Variants in SLC30A10 observed in about 807,000 individuals in gnomAD.
SLC30A10 encodes the protein calcium/manganese antiporter SLC30A10.
SLC30A10 carries 8 observed loss-of-function variants against 21.7 expected under a neutral mutation model. The observed-to-expected ratio is 0.37, with a 90% CI of 0.22 to 0.67. The LOEUF (loss-of-function observed/expected upper bound fraction) is 0.67, where lower values mean the gene tolerates loss of function less well. Ranked by LOEUF, SLC30A10 falls within the 30% of genes least tolerant of loss-of-function variation. The probability of loss-of-function intolerance (pLI) is 0.58; values close to 1 mark genes in which losing one functional copy is unlikely to be tolerated. For missense variants in SLC30A10, 521 were observed against 642.5 expected (o/e 0.81, Z 2.04); for synonymous variants, 272 against 279.4 (o/e 0.97, Z 0.26).
chr1:219,928,599 C>G, upstream of SLC30A10: 1 of 578,272 alleles, frequency 1.7e-6, no homozygotes, highest in Non-Finnish European at 2.8e-6. This position sits in a 1 kb window ranked among gnomAD's most constrained non-coding sequence, Gnocchi z 6.3. Flanking sequence ...AACGCGAGGC[C>G]GAGCGCCACC....
intron 2 of SLC30A10, among the ~76,000 whole-genome samples, chr1:219,924,829 C>T (rs1659776800): frequency 6.6e-6 from 1 of 152,176 alleles, no homozygotes. Context: ...TCAAAGCAAT[C>T]CCATAAGGTG....
chr1:219,911,113 C>CA lies in SLC30A10; in HGVS notation c.*4335dup, dbSNP rs1022255691. On this transcript the variant is annotated 3_prime_UTR_variant, in exon 4 of 4. Transcript: ENST00000366926. ...CGATCATTCATCCAAACTCAAAATT[C>CA]AAATCAGGTCATGTTTCTTCATTTT... Among the ~76,000 whole-genome samples the CA allele has an allele frequency of 1.9e-5, 2 of 104,104 alleles. No individual in the cohort carries two copies. The highest frequency in any genetic ancestry group is 4.1e-5 in the Non-Finnish European group (2 of 48,512). 68.3% of individuals were successfully genotyped at this position (104,104 alleles called of 152,430 possible). A position where few individuals can be genotyped will look rare whatever the true frequency, so the allele number is the denominator to read the frequency against.
Position 219,911,932 on chromosome 1 carries a change from T to A in SLC30A10, c.*3517A>T, listed in dbSNP as rs1659423310. 6.6e-6 allele frequency among the ~76,000 whole-genome samples: 1 copy of A among 151,848 alleles called. No homozygotes were observed. The stretch of plus-strand genomic sequence containing the variant: ...TAGCGGTCAGGGGTGCAGCTAAACA[T>A]CCTACAGTACACAACCCACACATCA... On this transcript the variant is annotated 3_prime_UTR_variant, in exon 4 of 4. Transcript: ENST00000366926.
chr1:219,928,116 GC>G lies in SLC30A10; in HGVS notation c.324del (p.Glu108AspfsTer84). 1 of 1,570,468 alleles carries G rather than the reference GC, an allele frequency of 6.4e-7. No individual in the cohort carries two copies. Among genetic ancestry groups the G allele is most frequent in the Non-Finnish European group, 8.6e-7 (1 of 1,158,834 alleles). On this transcript the variant is annotated frameshift_variant, in exon 1 of 4. Transcript: ENST00000366926. LOFTEE classifies it high-confidence loss of function. The surrounding 1 kb of genome is among the most constrained non-coding windows in gnomAD (Gnocchi z 6.3). ...AGCACCAGCTCGGGGTCATCGATGC[GC>G]TCGGGCCGGGCCAGGCGCAGCACGG... is the stretch of plus-strand genomic sequence containing the variant. ...VEAVLRLARP[E>X]RIDDPELVLI...
rs115485015 is a variant in SLC30A10 at position 219,920,428 on chromosome 1, G to A, written c.719-1934C>T. ...GATGTCATGTTTACTGCGTGAGACAGTCTGTTATTCTCTGATTGTCTCATA... is the reference window on the plus strand; with the variant it reads ...GATGTCATGTTTACTGCGTGAGACAATCTGTTATTCTCTGATTGTCTCATA... On this transcript the variant is annotated intron_variant, in intron 2 of 3. Transcript: ENST00000366926. 9.4e-3 allele frequency among the ~76,000 whole-genome samples: 1,424 copies of A among 152,272 alleles called. 12 individuals are homozygous for A. Among genetic ancestry groups the A allele is most frequent in the Non-Finnish European group, 0.016 (1,064 of 68,014 alleles).
In SLC30A10 at chr1:219,918,545, T is replaced by A; in HGVS notation, c.719-51A>T. ...CACAGATGCAAATCTGGAAGCCACGTGACACTCACTGACTTGGGTGTCCGG... is the reference window on the plus strand; with the variant it reads ...CACAGATGCAAATCTGGAAGCCACGAGACACTCACTGACTTGGGTGTCCGG... On this transcript the variant is annotated intron_variant, in intron 2 of 3. Transcript: ENST00000366926. This position sits in a 1 kb window ranked among gnomAD's most constrained non-coding sequence, Gnocchi z 4.4. 2.6e-6 allele frequency: 4 copies of A among 1,524,900 alleles called. No homozygotes were observed. Among genetic ancestry groups the A allele is most frequent in the South Asian group, 1.3e-5 (1 of 76,120 alleles). 94.5% of individuals were successfully genotyped at this position (1,524,900 alleles called of 1,614,324 possible).
At position 219,928,460 on chromosome 1, in the gene SLC30A10, G is replaced by T. The variant is rs886046003; in HGVS notation, c.-20C>A. ...GCCCATCTCGCCACCAGCCCCGGGC[G>T]CCCGGCGCCGCCCAGGGGAGCGCAG... On this transcript the variant is annotated 5_prime_UTR_variant, in exon 1 of 4. Transcript: ENST00000366926. The surrounding 1 kb of genome is among the most constrained non-coding windows in gnomAD (Gnocchi z 6.3). 16 of 1,577,358 alleles carry T rather than the reference G, an allele frequency of 1.0e-5. No individual in the cohort carries two copies. The highest frequency in any genetic ancestry group is 1.1e-5 in the Non-Finnish European group (13 of 1,164,834).
chr1:219,927,253 A>AT (rs1659848262), intron 1 of SLC30A10, 148 bp from the exon 2 acceptor site: 2 of 756,628 alleles, frequency 2.6e-6, no homozygotes, highest in Non-Finnish European at 4.3e-6. Flanking sequence ...AGAACAGTAC[A>AT]TTTTGGCCTT....
chr1:219,927,189 G>A (rs1415751508), intron 1 of SLC30A10, 84 bp from the exon 2 acceptor site: 4 of 1,438,670 alleles, frequency 2.8e-6, no homozygotes, highest in East Asian at 2.3e-5. Context: ...ATAAAGTTTT[G>A]TTATTTTAAA....
chr1:219,948,582 C>T (rs1660222831), intron 1 of SLC30A10, among the ~76,000 whole-genome samples: 1 of 151,794 alleles, frequency 6.6e-6, no homozygotes, highest in African/African-American at 2.4e-5. Context: ...AAACTGGATC[C>T]CTTCCTTACA....
upstream of SLC30A10, chr1:219,928,654 C>T: frequency 2.0e-6 from 1 of 490,814 alleles, no homozygotes; most frequent in Non-Finnish European, 3.5e-6. This position sits in a 1 kb window ranked among gnomAD's most constrained non-coding sequence, Gnocchi z 6.3. Flanking sequence ...GGGGCAGTAT[C>T]TGAACAGCCC....
At chr1:219,929,623 C>T (rs1659936158), upstream of SLC30A10, among the ~76,000 whole-genome samples, 1 of 151,998 alleles carries the variant, frequency 6.6e-6, no homozygotes, top group South Asian at 2.1e-4. Flanking sequence ...CGGATTCAAG[C>T]GATTCTCCTG....
rs1457842371 is a variant in SLC30A10 at position 219,918,851 on chromosome 1, A to G, written c.719-357T>C. On this transcript the variant is annotated intron_variant, in intron 2 of 3. Coordinates refer to ENST00000366926, the MANE Select transcript of SLC30A10 (RefSeq NM_018713.3). This position sits in a 1 kb window ranked among gnomAD's most constrained non-coding sequence, Gnocchi z 4.4. Reference sequence around the variant, plus strand: ...TGCAAATGATTTCTTTTTCTTTCAGACAATCATCTGTGCTTTACGTTGTTT... The same window carrying G: ...TGCAAATGATTTCTTTTTCTTTCAGGCAATCATCTGTGCTTTACGTTGTTT... 1 of 200,414 alleles carries G rather than the reference A, an allele frequency of 5.0e-6. No individual in the cohort carries two copies. Among genetic ancestry groups the G allele is most frequent in the African/African-American group, 2.3e-5 (1 of 43,320 alleles). The allele number at this position is 200,414 out of a possible 1,614,324, so 12.4% of individuals were successfully genotyped here.
In SLC30A10 at chr1:219,924,126, G is replaced by GT. The variant is rs1412254998; in HGVS notation, c.718+2901dup. On this transcript the variant is annotated intron_variant, in intron 2 of 3. Transcript: ENST00000366926. Reference sequence around the variant, plus strand: ...AATTCCCATTGGAATAAGAGAAACAGTAAAGAAAGTGAAGAAATTGTTTTT... The same window carrying GT: ...AATTCCCATTGGAATAAGAGAAACAGTTAAAGAAAGTGAAGAAATTGTTTTT... 1.2e-4 allele frequency among the ~76,000 whole-genome samples: 18 copies of GT among 152,286 alleles called. 1 individual carries two copies. Among genetic ancestry groups the GT allele is most frequent in the Admixed American group, 1.0e-3 (16 of 15,304 alleles).
chr1:219,932,704 T>TC (rs1299973816), upstream of SLC30A10, among the ~76,000 whole-genome samples: 13 of 139,092 alleles, frequency 9.3e-5, no homozygotes, highest in Non-Finnish European at 2.0e-4. Flanking sequence ...GAGTAACCAT[T>TC]CTTTTTTTTT....
chr1:219,922,176 GTTTTTTTTTTTTTTTTTTTTTTTTTTTTT>G (rs869249213), intron 2 of SLC30A10, among the ~76,000 whole-genome samples: 1 of 36,408 alleles, frequency 2.7e-5, no homozygotes, highest in African/African-American at 1.1e-4. Context: ...GTGTGTGTGT[GTTTTTTTTTTTTTTTTTTTTTTTTTTTTT>G]TTTTTTTTTT....
At chr1:219,917,589 A>C (rs1659573338) in intron 3 of SLC30A10, among the ~76,000 whole-genome samples, 1 of 152,218 alleles carries the variant, frequency 6.6e-6, no homozygotes, top group Admixed American at 6.5e-5. Flanking sequence ...TAAGGAGAAT[A>C]AAATAAAGTT....
At chr1:219,952,029 T>C (rs897546752) in intron 1 of SLC30A10, among the ~76,000 whole-genome samples, 5 of 152,192 alleles carry the variant, frequency 3.3e-5, no homozygotes, top group Admixed American at 6.5e-5. Flanking sequence ...GCTGTAACCA[T>C]ATATATGATT....
chr1:219,922,039 G>A (rs555128033), intron 2 of SLC30A10, among the ~76,000 whole-genome samples: 116 of 151,740 alleles, frequency 7.6e-4, no homozygotes, highest in African/African-American at 2.8e-3. Context: ...CTCCAACTTC[G>A]AACTCTTGGG....
Sources: gnomAD v4.1 joint callset for allele counts (sites outside exome capture counted in the v4.1 genomes callset) on GRCh38, gnomAD v4.1.1 for gene constraint, Gnocchi (gnomAD v3.1) non-coding constraint, MANE v1.5 for transcripts, NCBI Gene and HGNC (gene_info 2026-07-23, HGNC 2026-07-21) for gene names.